The following PCSK2 variants were observed in gnomAD, a reference collection of about 807,000 sequenced individuals.
The protein encoded by PCSK2 is proprotein convertase subtilisin/kexin type 2, also known as neuroendocrine convertase 2.
In PCSK2, 14 loss-of-function variants were observed where a neutral mutation model predicts 69.7. The observed-to-expected ratio is 0.20, with a 90% CI of 0.13 to 0.31. The LOEUF (loss-of-function observed/expected upper bound fraction) is 0.31, where lower values mean the gene tolerates loss of function less well. Ranked by LOEUF, PCSK2 falls within the 10% of genes least tolerant of loss-of-function variation. The pLI is 1.00. For missense variants in PCSK2, 544 were observed against 842.5 expected, an observed-to-expected ratio of 0.65 and a Z score of 4.39; for synonymous variants, 307 against 320.7, an observed-to-expected ratio of 0.96 and a Z score of 0.46.
intron 5 of PCSK2, among the ~76,000 whole-genome samples, chr20:17,398,789 C>T (rs946385474): frequency 2.0e-5 from 3 of 151,860 alleles, no homozygotes; most frequent in Middle Eastern, 3.4e-3. Context: ...ATGCTCAAGC[C>T]CCACCCCAGA....
intron 2 of PCSK2, among the ~76,000 whole-genome samples, chr20:17,303,279 G>T (rs1989150525): frequency 7.4e-6 from 1 of 135,052 alleles, no homozygotes; most frequent in Admixed American, 7.9e-5. Context: ...AACCATATAT[G>T]TCTATTACAT....
chr20:17,417,542 C>T (rs1411925088), intron 6 of PCSK2, among the ~76,000 whole-genome samples: 4 of 152,200 alleles, frequency 2.6e-5, no homozygotes, highest in Admixed American at 6.5e-5. Flanking sequence ...CCACTCAAAT[C>T]GCAGCTACTT....
At chr20:17,383,155 C>T (rs953320379) in intron 5 of PCSK2, among the ~76,000 whole-genome samples, 5 of 152,186 alleles carry the variant, frequency 3.3e-5, no homozygotes, top group Non-Finnish European at 7.3e-5. Flanking sequence ...GACTGACTGG[C>T]TGAGGATTGA....
chr20:17,434,291 T>G (rs2032439475), intron 7 of PCSK2, among the ~76,000 whole-genome samples: 1 of 151,762 alleles, frequency 6.6e-6, no homozygotes, highest in Non-Finnish European at 1.5e-5. Context: ...CACCCCACAT[T>G]CCCCTGTAGC....
intron 4 of PCSK2, among the ~76,000 whole-genome samples, chr20:17,361,801 G>T (rs6044756): frequency 0.024 from 3,635 of 152,266 alleles, 69 homozygotes; most frequent in African/African-American, 0.053. Flanking sequence ...AGAGGCCAAG[G>T]GCTCTCACAA....
intron 1 of PCSK2, among the ~76,000 whole-genome samples, chr20:17,258,838 T>C (rs1807306441): frequency 6.6e-6 from 1 of 151,360 alleles, no homozygotes; most frequent in Admixed American, 6.6e-5. Flanking sequence ...CATTTGACTA[T>C]TAAGGAAATA....
chr20:17,323,550 T>A (rs6111497), intron 2 of PCSK2, among the ~76,000 whole-genome samples: 1 of 152,154 alleles, frequency 6.6e-6, no homozygotes, highest in Non-Finnish European at 1.5e-5. Context: ...AAGCTATTAA[T>A]GTGGAGCCAG....
At chr20:17,394,364 C>T (rs1000752925) in intron 5 of PCSK2, among the ~76,000 whole-genome samples, 2 of 152,126 alleles carry the variant, frequency 1.3e-5, no homozygotes, top group African/African-American at 4.8e-5. Flanking sequence ...ATCCTTGAAC[C>T]ACTTGGAGAG....
chr20:17,414,013 T>G (rs1282168174), intron 6 of PCSK2, among the ~76,000 whole-genome samples: 2 of 152,126 alleles, frequency 1.3e-5, no homozygotes, highest in East Asian at 3.8e-4. Context: ...TACCAGAATC[T>G]CTGGGACACA....
At chr20:17,419,055 C>T (rs112392971) in intron 6 of PCSK2, among the ~76,000 whole-genome samples, 1 of 152,288 alleles carries the variant, frequency 6.6e-6, no homozygotes, top group South Asian at 2.1e-4. Flanking sequence ...AAATGTTCCC[C>T]TTGGTTGGGA....
chr20:17,231,329 T>G (rs1986136968), intron 1 of PCSK2, among the ~76,000 whole-genome samples: 1 of 152,218 alleles, frequency 6.6e-6, no homozygotes, highest in Non-Finnish European at 1.5e-5. Flanking sequence ...TCGCTTCACT[T>G]TTATTAAAGT....
At chr20:17,254,772 T>C (rs1987115311) in intron 1 of PCSK2, among the ~76,000 whole-genome samples, 1 of 152,216 alleles carries the variant, frequency 6.6e-6, no homozygotes, top group Non-Finnish European at 1.5e-5. Flanking sequence ...ACAGATAAGT[T>C]AGGGAGCATT....
intron 2 of PCSK2, among the ~76,000 whole-genome samples, chr20:17,345,632 C>G (rs1376708306): frequency 6.6e-6 from 1 of 152,180 alleles, no homozygotes; most frequent in Admixed American, 6.5e-5. Context: ...ATGAAGAAAG[C>G]ACAACCTGGA....
intron 6 of PCSK2, among the ~76,000 whole-genome samples, chr20:17,417,872 T>A (rs548443467): frequency 6.6e-5 from 10 of 152,230 alleles, no homozygotes; most frequent in Non-Finnish European, 1.5e-4. Context: ...AGCTCTGTGA[T>A]GAGTACATGG....
At chr20:17,297,886 T>C (rs1165335425) in intron 2 of PCSK2, among the ~76,000 whole-genome samples, 1 of 152,256 alleles carries the variant, frequency 6.6e-6, no homozygotes, top group Non-Finnish European at 1.5e-5. Flanking sequence ...CAATTGGATT[T>C]TGCATTTTGA....
intron 6 of PCSK2, among the ~76,000 whole-genome samples, chr20:17,419,314 T>C (rs942795304): frequency 1.3e-5 from 2 of 152,366 alleles, no homozygotes; most frequent in African/African-American, 4.8e-5. Flanking sequence ...TTTATTCTAC[T>C]GTGAACCATT....
intron 4 of PCSK2, 64 bp from the exon 5 acceptor site, chr20:17,369,176 T>C: frequency 6.7e-7 from 1 of 1,483,118 alleles, no homozygotes. Context: ...CTTGGGCAGC[T>C]TTCCTGAGGA....
rs767697208 is a variant in PCSK2, at chr20:17,260,273, C to G, written c.211C>G (p.His71Asp). Residue 71 changes from histidine (H) to aspartate (D), a missense_variant, in exon 2 of 12, where the codon CAC becomes GAC. This residue lies in a region of PCSK2 where 157 missense variants were observed against 155.0 expected (regional missense o/e 1.01). Coordinates refer to ENST00000262545, the MANE Select transcript of PCSK2 (RefSeq NM_002594.5). The part of the protein sequence containing the change: ...PFAEGLYHFY[H>D]NGLAKAKRRR... ...TGCTGAAGGTCTGTACCACTTTTATCACAATGGCCTTGCAAAGGCCAAGAG... is the reference window on the plus strand; with the variant it reads ...TGCTGAAGGTCTGTACCACTTTTATGACAATGGCCTTGCAAAGGCCAAGAG... The G allele has an allele frequency of 6.2e-7, 1 of 1,613,432 alleles. No homozygotes were observed. The highest frequency in any genetic ancestry group is 8.5e-7 in the Non-Finnish European group (1 of 1,179,416).
chr20:17,233,755 C>G (rs1393086464), intron 1 of PCSK2, among the ~76,000 whole-genome samples: 2 of 152,182 alleles, frequency 1.3e-5, no homozygotes, highest in Non-Finnish European at 2.9e-5. Context: ...AGATTCATTG[C>G]TCCTTCTTCA....
Sources: gnomAD v4.1 joint callset for allele counts (sites outside exome capture counted in the v4.1 genomes callset) on GRCh38, gnomAD v4.1.1 for gene constraint, gnomAD v4.1.1 regional missense constraint, MANE v1.5 for transcripts, NCBI Gene and HGNC (gene_info 2026-07-23, HGNC 2026-07-21) for gene names.